EYA2: variants seen among roughly 807,000 people sequenced by gnomAD.
The protein encoded by EYA2 is EYA transcriptional coactivator and phosphatase 2.
In EYA2, 31 loss-of-function variants were observed where a neutral mutation model predicts 69.2. The ratio of observed to expected loss-of-function variants is 0.45; its 90% confidence interval spans 0.34 to 0.60. The LOEUF (loss-of-function observed/expected upper bound fraction) is 0.60, where lower values mean the gene tolerates loss of function less well. EYA2 is among the 20% of genes least tolerant of loss of function. The pLI is 0.02. For synonymous variants in EYA2, 257 were observed against 279.4 expected, an observed-to-expected ratio of 0.92 and a Z score of 0.80; for missense variants, 622 against 701.2, an observed-to-expected ratio of 0.89 and a Z score of 1.28.
intron 1 of EYA2, among the ~76,000 whole-genome samples, chr20:46,944,244 C>T (rs190772919): frequency 1.4e-4 from 21 of 151,856 alleles, no homozygotes; most frequent in African/African-American, 4.6e-4. Context: ...TGCTCCCGTG[C>T]GCAGATCCCT....
At chr20:47,137,127 G>A (rs2033495799) in intron 9 of EYA2, among the ~76,000 whole-genome samples, 1 of 152,014 alleles carries the variant, frequency 6.6e-6, no homozygotes, top group Admixed American at 6.6e-5. Context: ...GTTCATTCTG[G>A]TTTAAATTGA....
intron 1 of EYA2, chr20:46,979,495 A>T (rs1052656378): frequency 3.3e-5 from 5 of 151,854 alleles, no homozygotes; most frequent in African/African-American, 1.2e-4. Context: ...AATGAATTCC[A>T]TGCTTTTCCT....
intron 9 of EYA2, among the ~76,000 whole-genome samples, chr20:47,105,407 T>G (rs1208440369): frequency 1.3e-5 from 2 of 151,918 alleles, no homozygotes; most frequent in African/African-American, 4.8e-5. Flanking sequence ...GGCAGATCAC[T>G]TGAGGCCAGG....
At chr20:46,995,248 G>T (rs1296144992) in intron 2 of EYA2, among the ~76,000 whole-genome samples, 3 of 152,210 alleles carry the variant, frequency 2.0e-5, no homozygotes, top group Non-Finnish European at 2.9e-5. Context: ...ATTTTAAAAG[G>T]ATGACTTAAG....
chr20:47,101,014 G>A (rs900985850), intron 9 of EYA2, among the ~76,000 whole-genome samples: 1 of 152,146 alleles, frequency 6.6e-6, no homozygotes, highest in Admixed American at 6.5e-5. Flanking sequence ...CAGCCAGTAA[G>A]CAAGAATAGG....
chr20:47,149,876 TAC>T (rs1880789415), intron 10 of EYA2, among the ~76,000 whole-genome samples: 1 of 151,912 alleles, frequency 6.6e-6, no homozygotes, highest in Admixed American at 6.6e-5. Flanking sequence ...AATACATACA[TAC>T]ACACATACAC....
chr20:47,104,496 C>A (rs944149859), intron 9 of EYA2, among the ~76,000 whole-genome samples: 1 of 152,102 alleles, frequency 6.6e-6, no homozygotes, highest in Non-Finnish European at 1.5e-5. Flanking sequence ...ATATCTGAGA[C>A]CCTATTGCCT....
chr20:47,007,672 A>T (rs1303201599), intron 4 of EYA2, among the ~76,000 whole-genome samples: 1 of 151,988 alleles, frequency 6.6e-6, no homozygotes, highest in Admixed American at 6.6e-5. Context: ...CTGGAGTGCC[A>T]TGGTGCAATC....
At position 47,183,312 on chromosome 20, in the gene EYA2, G is replaced by C; in HGVS notation, c.1457G>C (p.Arg486Thr). 1 of 1,614,158 alleles carries C rather than the reference G, an allele frequency of 6.2e-7. No individual in the cohort carries two copies. The highest frequency in any genetic ancestry group is 8.5e-7 in the Non-Finnish European group (1 of 1,180,016). ...TKTGKESCFERIMQRFGRKAV... is the reference protein window; with the variant it reads ...TKTGKESCFETIMQRFGRKAV... ...GCAGGGAAGGAGAGCTGCTTCGAGA[G>C]GATAATGCAGAGATTCGGCAGAAAA... is the stretch of plus-strand genomic sequence containing the variant. Residue 486 changes from arginine to threonine, a missense_variant, in exon 15 of 16, where the codon AGG (arginine) becomes ACG (threonine). Physicochemically the swap from Arg to Thr is moderately conservative, Grantham distance 71. This residue lies in a region of EYA2 where 257 missense variants were observed against 351.5 expected (regional missense o/e 0.73). Transcript: ENST00000327619.
At chr20:47,026,015 C>T (rs1984060660) in intron 5 of EYA2, among the ~76,000 whole-genome samples, 1 of 152,168 alleles carries the variant, frequency 6.6e-6, no homozygotes, top group African/African-American at 2.4e-5. Flanking sequence ...AAAAGAAAAG[C>T]AATTAAGTAC....
chr20:47,130,261 C>CTTTTTTTTTG (rs2033306199), intron 9 of EYA2, among the ~76,000 whole-genome samples: 1 of 81,260 alleles, frequency 1.2e-5, no homozygotes, highest in Non-Finnish European at 2.2e-5. Flanking sequence ...GGTTTATTTT[C>CTTTTTTTTTG]TTTTTTTTTT....
chr20:46,982,640 A>G (rs1980910102), intron 1 of EYA2, among the ~76,000 whole-genome samples: 1 of 151,944 alleles, frequency 6.6e-6, no homozygotes, highest in Non-Finnish European at 1.5e-5. Context: ...CTGTTTTTCA[A>G]CCTTATTCCT....
intron 15 of EYA2, among the ~76,000 whole-genome samples, chr20:47,187,111 G>A (rs2034658188): frequency 6.6e-6 from 1 of 152,068 alleles, no homozygotes; most frequent in African/African-American, 2.4e-5. Flanking sequence ...GCTCATGCCT[G>A]TAATCCCAAC....
chr20:47,009,578 C>G (rs967619088), intron 4 of EYA2, among the ~76,000 whole-genome samples: 2 of 152,244 alleles, frequency 1.3e-5, no homozygotes, highest in Non-Finnish European at 2.9e-5. Context: ...GATTCCTGTG[C>G]CCCCAAGTTT....
chr20:46,932,928 C>T (rs565597799), intron 1 of EYA2, among the ~76,000 whole-genome samples: 10 of 152,228 alleles, frequency 6.6e-5, no homozygotes, highest in Non-Finnish European at 1.0e-4. Context: ...TCCCTCACCA[C>T]GACCACCCCC....
intron 2 of EYA2, among the ~76,000 whole-genome samples, chr20:46,991,112 C>T (rs936693080): frequency 2.0e-5 from 3 of 152,188 alleles, no homozygotes; most frequent in African/African-American, 4.8e-5. Flanking sequence ...TTGGACCATT[C>T]GTGTAAACTG....
intron 1 of EYA2, among the ~76,000 whole-genome samples, chr20:46,904,054 G>C (rs1471755604): frequency 6.6e-6 from 1 of 152,148 alleles, no homozygotes; most frequent in Non-Finnish European, 1.5e-5. Flanking sequence ...GTTGGGCAGT[G>C]GTCGATAGCA....
intron 1 of EYA2, among the ~76,000 whole-genome samples, chr20:46,940,564 A>G (rs1269704598): frequency 2.6e-5 from 4 of 152,196 alleles, no homozygotes; most frequent in East Asian, 1.9e-4. Flanking sequence ...CAAAACCCAA[A>G]TGATATGGAT....
At chr20:47,079,668 C>T (rs1159797989) in intron 7 of EYA2, among the ~76,000 whole-genome samples, 1 of 152,168 alleles carries the variant, frequency 6.6e-6, no homozygotes, top group East Asian at 1.9e-4. Context: ...GATACCATGC[C>T]ATTAACAGGA....
Sources: allele counts gnomAD v4.1 joint callset (sites outside exome capture counted in the v4.1 genomes callset), GRCh38; gene constraint gnomAD v4.1.1; regional missense constraint gnomAD v4.1.1; transcripts MANE v1.5; gene names NCBI Gene and HGNC (gene_info 2026-07-23, HGNC 2026-07-21).